Variants in DPY30 observed in about 807,000 individuals in gnomAD.
The protein encoded by DPY30 is dpy-30 histone methyltransferase complex regulatory subunit.
In DPY30, 6 loss-of-function variants were observed where a neutral mutation model predicts 16.2. The observed-to-expected ratio is 0.37, with a 90% CI of 0.20 to 0.73. The LOEUF is 0.73. Ranked by LOEUF, DPY30 falls within the 30% of genes least tolerant of loss-of-function variation. The pLI, the probability that DPY30 is intolerant of heterozygous loss-of-function variation, is 0.51. For synonymous variants in DPY30, 39 were observed against 38.8 expected (o/e 1.00, Z -0.02); for missense variants, 73 against 113.1 (o/e 0.65, Z 1.61).
chr2:32,012,365 T>C (rs959892910), intron 5 of DPY30, among the ~76,000 whole-genome samples: 2 of 142,508 alleles, frequency 1.4e-5, no homozygotes, highest in African/African-American at 5.1e-5. Context: ...CAAAACATAA[T>C]ATGCAACAAA....
intron 3 of DPY30, among the ~76,000 whole-genome samples, chr2:32,037,107 A>G (rs1675773083): frequency 6.6e-6 from 1 of 152,198 alleles, no homozygotes; most frequent in Admixed American, 6.6e-5. Context: ...TCAGACATTC[A>G]GAAGCTGAAT....
chr2:32,032,648 A>G (rs7370704), intron 3 of DPY30, among the ~76,000 whole-genome samples: 69,299 of 152,046 alleles, frequency 0.46, 16,221 homozygotes, highest in East Asian at 0.64. Flanking sequence ...CTGCTTGAGC[A>G]CAGGAGTTTG....
intron 3 of DPY30, 123 bp from the exon 4 acceptor site, chr2:32,029,859 A>G: frequency 9.8e-7 from 1 of 1,018,200 alleles, no homozygotes; most frequent in East Asian, 2.5e-5. Context: ...GAAAGATGGT[A>G]CTAGACCACA....
At chr2:32,017,041 C>T (rs531303826) in intron 5 of DPY30, among the ~76,000 whole-genome samples, 2 of 151,962 alleles carry the variant, frequency 1.3e-5, no homozygotes, top group Non-Finnish European at 2.9e-5. Context: ...GACCACCACA[C>T]CCGGCTAATT....
At chr2:32,039,698 A>G (rs1675892980) in intron 1 of DPY30, 35 bp downstream of exon 1, 1 of 589,576 alleles carries the variant, frequency 1.7e-6, no homozygotes, top group African/African-American at 1.9e-5. Context: ...AGTACCTAGA[A>G]TAAGTGAGAA....
rs1252635015 is a variant in DPY30 at position 32,026,969 on chromosome 2, G to A, written c.227+2625C>T. ...ACTCAAGTGCAATAGTGAGAAGGGC[G>A]AAAAGAGTAGAATAGGGGAATAAGG... On this transcript the variant is annotated intron_variant, in intron 4 of 4. Coordinates refer to ENST00000342166, the MANE Select transcript of DPY30 (RefSeq NM_001321209.2). 7.7e-5 allele frequency among the ~76,000 whole-genome samples: 11 copies of A among 143,056 alleles called. No individual in the cohort carries two copies. The East Asian group carries it at 8.3e-4, about 11-fold the overall frequency. 93.9% of individuals were successfully genotyped at this position (143,056 alleles called of 152,430 possible). A position where few individuals can be genotyped will look rare whatever the true frequency, so the allele number is the denominator to read the frequency against.
At chr2:32,035,375 G>A (rs190454897) in intron 3 of DPY30, among the ~76,000 whole-genome samples, 79 of 146,948 alleles carry the variant, frequency 5.4e-4, no homozygotes, top group Admixed American at 2.1e-3. Context: ...AGGCCGAGGC[G>A]GGTGGATCAC....
Position 32,039,448 on chromosome 2 carries a change from T to C in DPY30, c.9A>G (p.Pro3=), listed in dbSNP as rs546427438. The change falls in exon 2 of 5, where the codon CCA becomes CCG. Residue 3 remains proline, a synonymous_variant. Transcript: ENST00000342166. ME[P]EQMLEGQTQV... is the part of the protein sequence containing the mutation. ...GCGTTTGTCCCTCCAGCATCTGCTC[T>C]GGCTCCATGGCGGACCCTGCAAGTC... The C allele has an allele frequency of 1.2e-6, 2 of 1,614,148 alleles. No individual in the cohort carries two copies. The highest frequency in any genetic ancestry group is 1.7e-5 in the Admixed American group (1 of 60,014).
chr2:32,025,680 T>A (rs1350411600), intron 4 of DPY30, among the ~76,000 whole-genome samples: 1 of 150,910 alleles, frequency 6.6e-6, no homozygotes, highest in Non-Finnish European at 1.5e-5. Flanking sequence ...GAGAATCACT[T>A]TAACCCCAAA....
At chr2:32,039,089 G>A (rs1478060427) in intron 3 of DPY30, among the ~76,000 whole-genome samples, 190 bp downstream of exon 3, 1 of 152,036 alleles carries the variant, frequency 6.6e-6, no homozygotes, top group Non-Finnish European at 1.5e-5. Flanking sequence ...TGACTCAAAC[G>A]TAATTTGTAC....
chr2:32,038,283 G>C (rs1234404885), intron 3 of DPY30, among the ~76,000 whole-genome samples: 1 of 150,614 alleles, frequency 6.6e-6, no homozygotes. Flanking sequence ...GCTGGGATTA[G>C]TAGAGAGGAG....
intron 5 of DPY30, among the ~76,000 whole-genome samples, chr2:32,018,697 G>C (rs566266536): frequency 1.3e-4 from 20 of 151,580 alleles, no homozygotes; most frequent in African/African-American, 4.6e-4. Flanking sequence ...TCCAGCATGG[G>C]CGAGAGAGCG....
downstream of DPY30, among the ~76,000 whole-genome samples, chr2:32,019,556 T>A (rs973902381): frequency 2.0e-5 from 3 of 150,256 alleles, no homozygotes; most frequent in African/African-American, 4.9e-5. Flanking sequence ...GGCTCACGCC[T>A]GTGAGCCACC....
At chr2:32,031,401 CAA>C (rs932882796) in intron 3 of DPY30, among the ~76,000 whole-genome samples, 4 of 150,112 alleles carry the variant, frequency 2.7e-5, no homozygotes, top group Non-Finnish European at 5.9e-5. Flanking sequence ...GCCTGGGTGA[CAA>C]AGACTCCGTC....
At chr2:32,020,789 T>G (rs1238473307), downstream of DPY30, among the ~76,000 whole-genome samples, 2 of 152,158 alleles carry the variant, frequency 1.3e-5, no homozygotes, top group Non-Finnish European at 2.9e-5. Flanking sequence ...TTTAACATGC[T>G]GCCTGGCACA....
At chr2:32,018,181 T>TA (rs375876522) in intron 5 of DPY30, among the ~76,000 whole-genome samples, 5 of 151,196 alleles carry the variant, frequency 3.3e-5, no homozygotes, top group Non-Finnish European at 5.9e-5. Context: ...AAGACTCAAT[T>TA]AAAAAAAAAC....
chr2:32,019,159 T>C (rs138133223), downstream of DPY30, among the ~76,000 whole-genome samples: 445 of 152,256 alleles, frequency 2.9e-3, 4 homozygotes, highest in African/African-American at 0.01. Flanking sequence ...AGTGGCACGA[T>C]CTCAGCTCAT....
intron 3 of DPY30, among the ~76,000 whole-genome samples, chr2:32,033,042 G>A (rs1675600744): frequency 6.6e-6 from 1 of 151,506 alleles, no homozygotes; most frequent in Non-Finnish European, 1.5e-5. Flanking sequence ...AGGGCGCGGT[G>A]GCTCATGCCT....
rs903879618 is a variant in DPY30 at position 32,039,184 on chromosome 2, T to C, written c.84+95A>G. On this transcript the variant is annotated intron_variant, in intron 3 of 4. Transcript: ENST00000342166. ...TATTCAGTTCACGATAACAAAGTTT[T>C]CCCTTGTGCATAGCCACCTAGTAAA... 2.2e-5 allele frequency: 33 copies of C among 1,482,682 alleles called. 1 individual carries two copies. Among genetic ancestry groups the C allele is most frequent in the African/African-American group, 2.1e-4 (15 of 72,094 alleles). 91.8% of individuals were successfully genotyped at this position (1,482,682 alleles called of 1,614,324 possible).
Sources: gnomAD v4.1 joint callset for allele counts (sites outside exome capture counted in the v4.1 genomes callset) on GRCh38, gnomAD v4.1.1 for gene constraint, MANE v1.5 for transcripts, NCBI Gene and HGNC (gene_info 2026-07-23, HGNC 2026-07-21) for gene names.